Variants in RFPL1 observed in about 807,000 individuals in gnomAD.
The protein encoded by RFPL1 is ret finger protein like 1, also known as ret finger protein-like 1.
In RFPL1, 6 loss-of-function variants were observed where a neutral mutation model predicts 9.6. The ratio of observed to expected loss-of-function variants is 0.62; its 90% CI spans 0.34 to 1.23. RFPL1 has a LOEUF of 1.23. Among genes scored for constraint, RFPL1 ranks in the 50% most tolerant of loss-of-function variants. The pLI is 0.03. For synonymous variants in RFPL1, 145 were observed against 149.4 expected (o/e 0.97, Z 0.22); for missense variants, 352 against 398.4 (o/e 0.88, Z 0.99).
At chr22:29,423,687 C>T in the RFPL1 span, among the ~76,000 whole-genome samples, 7 of 152,170 alleles carry the variant, frequency 4.6e-5, no homozygotes, top group African/African-American at 7.2e-5. Context: ...CATCAAGGCA[C>T]GATGTTACCC....
intron 1 of RFPL1, chr22:29,439,923 G>GGAA (rs1423316640): frequency 6.6e-6 from 1 of 152,264 alleles, no homozygotes; most frequent in African/African-American, 2.4e-5. Flanking sequence ...CCCAGGGTTG[G>GGAA]GAAGAGTTTG....
exon 1 of RFPL1, chr22:29,438,962 C>T (rs771644258): frequency 1.5e-5 from 25 of 1,613,806 alleles, no homozygotes; most frequent in East Asian, 4.5e-5. Context: ...AGTGTGGATG[C>T]GCTGTCTGCT....
chr22:29,441,647 C>T (rs1569184571), exon 2 of RFPL1: 1 of 1,613,910 alleles, frequency 6.2e-7, no homozygotes, highest in Non-Finnish European at 8.5e-7. Context: ...CAAGACCTTG[C>T]CGAGAGATTT....
At chr22:29,428,721 C>G in the RFPL1 span, among the ~76,000 whole-genome samples, 1 of 152,164 alleles carries the variant, frequency 6.6e-6, no homozygotes, top group Non-Finnish European at 1.5e-5. Context: ...AGATATAAAT[C>G]AAGTCACATG....
At chr22:29,428,975 G>T in the RFPL1 span, among the ~76,000 whole-genome samples, 3 of 152,150 alleles carry the variant, frequency 2.0e-5, no homozygotes, top group East Asian at 5.8e-4. Flanking sequence ...GAGAAGAAAA[G>T]AGATAATAAA....
chr22:29,403,968 A>T, the RFPL1 span, among the ~76,000 whole-genome samples: 1 of 152,212 alleles, frequency 6.6e-6, no homozygotes, highest in Non-Finnish European at 1.5e-5. Flanking sequence ...CTATGCACAA[A>T]GTCCTTGTTG....
At chr22:29,417,418 G>C in the RFPL1 span, among the ~76,000 whole-genome samples, 1 of 151,048 alleles carries the variant, frequency 6.6e-6, no homozygotes, top group South Asian at 2.2e-4. Context: ...CCTTTGCTTG[G>C]GGGGTGATCC....
chr22:29,425,001 G>A, the RFPL1 span, among the ~76,000 whole-genome samples: 10 of 151,676 alleles, frequency 6.6e-5, no homozygotes, highest in South Asian at 4.2e-4. Flanking sequence ...TCAGGAGATC[G>A]AGACCATCCT....
At chr22:29,408,434 T>G in the RFPL1 span, among the ~76,000 whole-genome samples, 2 of 152,116 alleles carry the variant, frequency 1.3e-5, no homozygotes, top group Admixed American at 1.3e-4. Context: ...CCAGTCCATA[T>G]CCCCCAAGGC....
At chr22:29,397,229 T>C in the RFPL1 span, among the ~76,000 whole-genome samples, 1 of 152,174 alleles carries the variant, frequency 6.6e-6, no homozygotes, top group African/African-American at 2.4e-5. Flanking sequence ...TCTTAAGTAG[T>C]TCCCACAATG....
At chr22:29,400,710 C>T in the RFPL1 span, among the ~76,000 whole-genome samples, 1 of 152,226 alleles carries the variant, frequency 6.6e-6, no homozygotes, top group Non-Finnish European at 1.5e-5. Flanking sequence ...GAGAAGCCCT[C>T]AGTTGATGTC....
At chr22:29,436,092 A>G (rs560421797), upstream of RFPL1, among the ~76,000 whole-genome samples, 55 of 152,030 alleles carry the variant, frequency 3.6e-4, 1 homozygote, top group South Asian at 0.011. Context: ...TTGGATACAG[A>G]ATTATACCTA....
chr22:29,435,841 T>C (rs1451580112), upstream of RFPL1, among the ~76,000 whole-genome samples: 1 of 152,234 alleles, frequency 6.6e-6, no homozygotes, highest in Non-Finnish European at 1.5e-5. Flanking sequence ...AGTTAATCAC[T>C]AACTTGTCCA....
At chr22:29,424,046 G>A in the RFPL1 span, among the ~76,000 whole-genome samples, 6 of 152,144 alleles carry the variant, frequency 3.9e-5, no homozygotes, top group South Asian at 6.2e-4. Flanking sequence ...TGGGCGTGGT[G>A]GTGCGTGCCT....
At chr22:29,401,899 A>G in the RFPL1 span, among the ~76,000 whole-genome samples, 1 of 152,178 alleles carries the variant, frequency 6.6e-6, no homozygotes, top group Non-Finnish European at 1.5e-5. Context: ...GTAGCCTCAG[A>G]CAATTGAATC....
At chr22:29,396,766 C>G in the RFPL1 span, among the ~76,000 whole-genome samples, 1 of 151,418 alleles carries the variant, frequency 6.6e-6, no homozygotes, top group East Asian at 2.0e-4. Flanking sequence ...GGCACGTGCA[C>G]CACACCTGGC....
chr22:29,401,395 A>C, the RFPL1 span, among the ~76,000 whole-genome samples: 1 of 152,206 alleles, frequency 6.6e-6, no homozygotes, highest in African/African-American at 2.4e-5. Context: ...TTTATATCCA[A>C]TTTTCAACCA....
exon 2 of RFPL1, chr22:29,442,024 C>T (rs1417730992): frequency 6.2e-7 from 1 of 1,613,914 alleles, no homozygotes; most frequent in African/African-American, 1.3e-5. Flanking sequence ...TTTTGCTCCT[C>T]CAAGTCCACC....
chr22:29,420,325 C>T, the RFPL1 span, among the ~76,000 whole-genome samples: 1 of 152,198 alleles, frequency 6.6e-6, no homozygotes, highest in Non-Finnish European at 1.5e-5. Context: ...ATGTCATTTC[C>T]TGACCCCTTC....
Sources: allele counts gnomAD v4.1 joint callset (sites outside exome capture counted in the v4.1 genomes callset), GRCh38; gene constraint gnomAD v4.1.1; transcripts MANE v1.5; gene names NCBI Gene and HGNC (gene_info 2026-07-23, HGNC 2026-07-21).